Variants in GNPTAB observed in about 807,000 individuals in gnomAD.
GNPTAB encodes the protein N-acetylglucosamine-1-phosphate transferase subunits alpha and beta.
GNPTAB carries 92 observed loss-of-function variants against 136.6 expected under a neutral mutation model. The observed-to-expected ratio is 0.67, with a 90% confidence interval of 0.57 to 0.80. The LOEUF is 0.80. Among genes scored for constraint, GNPTAB ranks in the 30% least tolerant of loss-of-function variants. GNPTAB has a pLI of 0.00. For missense variants in GNPTAB, 1,343 were observed against 1,501.8 expected (o/e 0.89, Z 1.75); for synonymous variants, 512 against 535.1 (o/e 0.96, Z 0.60).
intron 1 of GNPTAB, among the ~76,000 whole-genome samples, chr12:101,813,333 T>C (rs1027866955): frequency 1.3e-5 from 2 of 152,214 alleles, no homozygotes; most frequent in African/African-American, 4.8e-5. Context: ...AATTTGGGGA[T>C]AGTTTGTTAC....
intron 1 of GNPTAB, among the ~76,000 whole-genome samples, chr12:101,815,892 C>T (rs1292298824): frequency 1.3e-5 from 2 of 152,058 alleles, no homozygotes; most frequent in African/African-American, 2.4e-5. Context: ...GAAATAAATC[C>T]ACAGATTTAC....
intron 1 of GNPTAB, among the ~76,000 whole-genome samples, chr12:101,814,400 T>G (rs1283697952): frequency 6.6e-6 from 1 of 152,120 alleles, no homozygotes; most frequent in Non-Finnish European, 1.5e-5. Flanking sequence ...GAGGAAAAAT[T>G]TAGGTGCTCA....
chr12:101,757,011 C>T (rs190326424), intron 18 of GNPTAB: 324 of 531,836 alleles, frequency 6.1e-4, no homozygotes, highest in Admixed American at 1.7e-3. Context: ...CCCAGTTCTT[C>T]GAAGTTCAGG....
intron 14 of GNPTAB, 74 bp from the exon 15 acceptor site, chr12:101,761,420 CT>C: frequency 8.1e-6 from 12 of 1,489,012 alleles, no homozygotes; most frequent in Non-Finnish European, 1.1e-5. Flanking sequence ...CAGAGATGGA[CT>C]TTTTTCTTTC....
In GNPTAB at chr12:101,775,586, A is replaced by C. The variant is rs376473781; in HGVS notation, c.772-4429T>G. On this transcript the variant is annotated intron_variant, in intron 7 of 20. Transcript: ENST00000299314. ...CACCATGTTGGCCAGGATGGTCTCA[A>C]TCTCCTGACCTCATGATCTGCCCGC... Among the ~76,000 whole-genome samples, 109 of 151,970 alleles carry C rather than the reference A, an allele frequency of 7.2e-4. 2 individuals are homozygous for C. In the South Asian group the frequency reaches 0.013, roughly 18 times the overall value.
In GNPTAB at chr12:101,788,531, G is replaced by T. The variant is rs1193915395; in HGVS notation, c.365+17C>A. On this transcript the variant is annotated intron_variant, in intron 4 of 20. Transcript: ENST00000299314. ...ATCCTTCACTTTTTACTCTTGAGAG[G>T]AAATCAAAATGCTTACCTCTTCTTA... 1.4e-6 allele frequency: 2 copies of T among 1,466,912 alleles called. 1 individual carries two copies. Among genetic ancestry groups the T allele is most frequent in the South Asian group, 2.3e-5 (2 of 88,026 alleles). 90.9% of individuals were successfully genotyped at this position (1,466,912 alleles called of 1,614,324 possible).
At chr12:101,750,485 A>G (rs1952800224) in intron 19 of GNPTAB, among the ~76,000 whole-genome samples, 2 of 152,238 alleles carry the variant, frequency 1.3e-5, no homozygotes, top group Admixed American at 1.3e-4. Context: ...CAGGGGAATG[A>G]CTGCAAGAGC....
At chr12:101,804,355 G>A (rs1313011036) in intron 1 of GNPTAB, among the ~76,000 whole-genome samples, 50 of 150,322 alleles carry the variant, frequency 3.3e-4, no homozygotes, top group African/African-American at 1.1e-3. Context: ...AAAAAAAAAA[G>A]AACCAACGAA....
At chr12:101,804,643 T>C (rs1289702917) in intron 1 of GNPTAB, among the ~76,000 whole-genome samples, 2 of 152,212 alleles carry the variant, frequency 1.3e-5, no homozygotes, top group Non-Finnish European at 2.9e-5. Flanking sequence ...ACTACCTTAA[T>C]CACCTAGCCA....
intron 19 of GNPTAB, 35 bp from the exon 20 acceptor site, chr12:101,749,226 G>T: frequency 8.2e-7 from 1 of 1,223,600 alleles, no homozygotes; most frequent in Non-Finnish European, 1.2e-6. Flanking sequence ...ATGTACTTCT[G>T]TATATGGTTT....
Position 101,766,297 on chromosome 12 carries a change from G to A in GNPTAB, c.1409-3C>T, listed in dbSNP as rs374885822. The A allele has an allele frequency of 1.9e-6, 3 of 1,611,166 alleles. No individual in the cohort carries two copies. Among genetic ancestry groups the A allele is most frequent in the African/African-American group, 1.3e-5 (1 of 74,840 alleles). On this transcript the variant is annotated splice_polypyrimidine_tract_variant and splice_region_variant and intron_variant, in intron 11 of 20. Transcript: ENST00000299314. ...ATAGCGACTCCCTCCACTGTTTCCT[G>A]TAGATCGGAGGAAGAAGAGGGATTC... is the stretch of plus-strand genomic sequence containing the variant.
chr12:101,771,795 T>G (rs1457919014), intron 7 of GNPTAB, among the ~76,000 whole-genome samples: 1 of 152,236 alleles, frequency 6.6e-6, no homozygotes, highest in South Asian at 2.1e-4. Flanking sequence ...AATTTTTCAA[T>G]GTTGGCTCAA....
intron 1 of GNPTAB, among the ~76,000 whole-genome samples, chr12:101,812,710 GTTCATGC>G (rs1566097891): frequency 6.6e-6 from 1 of 152,102 alleles, no homozygotes; most frequent in Non-Finnish European, 1.5e-5. Context: ...AGTGAGCTGT[GTTCATGC>G]CACTGAACTC....
chr12:101,769,498 C>G lies in GNPTAB; in HGVS notation c.1284+523G>C, dbSNP rs370799056. 4.6e-5 allele frequency among the ~76,000 whole-genome samples: 7 copies of G among 152,230 alleles called. No individual in the cohort carries two copies. In the East Asian group the frequency reaches 1.2e-3, roughly 25 times the overall value. ...TGTGGGTCCTGGGTGTCTAAGAATG[C>G]AGGAAAGCAAATTTCTAACTGTAGT... On this transcript the variant is annotated intron_variant, in intron 10 of 20. Coordinates refer to ENST00000299314, the MANE Select transcript of GNPTAB (RefSeq NM_024312.5).
At chr12:101,823,777 C>T (rs996029991) in intron 1 of GNPTAB, among the ~76,000 whole-genome samples, 3 of 152,106 alleles carry the variant, frequency 2.0e-5, no homozygotes, top group Admixed American at 6.5e-5. Flanking sequence ...AGATTTATAA[C>T]GGCACACTTG....
chr12:101,772,378 A>G (rs559452945), intron 7 of GNPTAB, among the ~76,000 whole-genome samples: 51 of 152,364 alleles, frequency 3.3e-4, no homozygotes, highest in African/African-American at 1.2e-3. Flanking sequence ...GACTATTCTT[A>G]GCTCATTTTC....
At chr12:101,753,819 T>C (rs1290855158) in intron 18 of GNPTAB, among the ~76,000 whole-genome samples, 1 of 152,204 alleles carries the variant, frequency 6.6e-6, no homozygotes, top group African/African-American at 2.4e-5. Context: ...TCAATAAATG[T>C]AGTTAACTGA....
At chr12:101,819,390 C>T (rs1870687698) in intron 1 of GNPTAB, among the ~76,000 whole-genome samples, 1 of 152,056 alleles carries the variant, frequency 6.6e-6, no homozygotes, top group African/African-American at 2.4e-5. Context: ...ATACACTGGC[C>T]CAAAGTGAAC....
Position 101,793,535 on chromosome 12 carries a change from C to T in GNPTAB, c.203+3142G>A, listed in dbSNP as rs375502071. Among the ~76,000 whole-genome samples, 182 of 152,248 alleles carry T rather than the reference C, an allele frequency of 1.2e-3. 3 individuals carry two copies. Among genetic ancestry groups the T allele is most frequent in the African/African-American group, 4.1e-3 (172 of 41,536 alleles). On this transcript the variant is annotated intron_variant, in intron 2 of 20. Coordinates refer to ENST00000299314, the MANE Select transcript of GNPTAB (RefSeq NM_024312.5). ...ATGGAAGGAGACTGTGTGATCTGCA[C>T]GAGGTCAATGAGTCAGTTGTTTTCC...
Sources: allele counts gnomAD v4.1 joint callset (sites outside exome capture counted in the v4.1 genomes callset), GRCh38; gene constraint gnomAD v4.1.1; transcripts MANE v1.5; gene names NCBI Gene and HGNC (gene_info 2026-07-23, HGNC 2026-07-21).